The following MUC5AC variants were observed in gnomAD, a reference collection of about 807,000 sequenced individuals.
MUC5AC encodes mucin 5AC, oligomeric mucus/gel-forming, also known as mucin-5AC.
Under a neutral mutation model 169.7 loss-of-function variants are expected in MUC5AC, and 158 were observed. The ratio of observed to expected loss-of-function variants is 0.93; its 90% CI spans 0.82 to 1.06. MUC5AC has a LOEUF of 1.06. Among genes scored for constraint, MUC5AC ranks in the 50% least tolerant of loss-of-function variants. The pLI is 0.00. For missense variants in MUC5AC, 4,359 were observed against 3,089.9 expected (o/e 1.41, Z -9.74); for synonymous variants, 1,975 against 1,237.0 (o/e 1.60, Z -12.52).
At chr11:1,169,140 G>T (rs1860422668) in intron 15 of MUC5AC, 114 bp downstream of exon 15, 2 of 1,415,118 alleles carry the variant, frequency 1.4e-6, no homozygotes, top group Admixed American at 6.3e-5. Context: ...AGCCGGGTGG[G>T]GTGGCTCACG....
chr11:1,164,418 C>A lies in MUC5AC; in HGVS notation c.1015C>A (p.Pro339Thr). 6.2e-7 allele frequency: 1 copy of A among 1,612,350 alleles called. No homozygotes were observed. Among genetic ancestry groups the A allele is most frequent in the Non-Finnish European group, 8.5e-7 (1 of 1,179,740 alleles). The change falls in exon 9 of 49, where the codon CCC becomes ACC. Residue 339 changes from proline to threonine, a missense_variant. By Grantham distance (38) the Pro-to-Thr change is conservative. Coordinates refer to ENST00000621226, the MANE Select transcript of MUC5AC (RefSeq NM_001304359.2). ...TCTGCCTCCCGCAGCCCAGAAGTGC[C>A]CCAACAACATGCAGTACCACGAGTG... ...RGPDFCPQKC[P>T]NNMQYHECRS...
Position 1,185,865 on chromosome 11 carries a change from C to T in MUC5AC, c.7720C>T (p.Pro2574Ser). 1 of 745,446 alleles carries T rather than the reference C, an allele frequency of 1.3e-6. No individual in the cohort carries two copies. The highest frequency in any genetic ancestry group is 2.5e-5 in the East Asian group (1 of 40,102). The allele number at this position is 745,446 out of a possible 1,614,324, so 46.2% of individuals were successfully genotyped here. The change falls in exon 31 of 49, where the codon CCT becomes TCT. Residue 2574 changes from proline (P) to serine (S), a missense_variant. Transcript: ENST00000621226. The part of the protein sequence containing the change: ...TTSGPGTTPS[P>S]VPTTSTTSAP... ...CTCTGGTCCTGGAACTACTCCCAGC[C>T]CTGTTCCTACCACGAGCACAACCTC...
rs1448836634 is a variant in MUC5AC at position 1,189,930 on chromosome 11, T to A, written c.11785T>A (p.Ser3929Thr). The change falls in exon 31 of 49, where the codon TCT becomes ACT. Residue 3929 changes from serine to threonine, a missense_variant. Transcript: ENST00000621226. ...CCCCGTTCCCACCACCAGCACAGCCTCTGTTTCAAAGACCAGCACAAGCCA... is the reference window on the plus strand; with the variant it reads ...CCCCGTTCCCACCACCAGCACAGCCACTGTTTCAAAGACCAGCACAAGCCA... ...PSPVPTTSTASVSKTSTSHVS... is the reference protein window; with the variant it reads ...PSPVPTTSTATVSKTSTSHVS... 1.3e-6 allele frequency: 1 copy of A among 764,988 alleles called. No individual in the cohort carries two copies. Among genetic ancestry groups the A allele is most frequent in the Non-Finnish European group, 2.4e-6 (1 of 417,882 alleles). The allele number at this position is 764,988 out of a possible 1,614,324, so 47.4% of individuals were successfully genotyped here. A position where few individuals can be genotyped will look rare whatever the true frequency, so the allele number is the denominator to read the frequency against.
Position 1,165,755 on chromosome 11 carries a change from A to G in MUC5AC, c.1381A>G (p.Thr461Ala). 2 of 1,611,990 alleles carry G rather than the reference A, an allele frequency of 1.2e-6. No individual in the cohort carries two copies. Among genetic ancestry groups the G allele is most frequent in the Non-Finnish European group, 1.7e-6 (2 of 1,179,652 alleles). The change falls in exon 11 of 49, where the codon ACC becomes GCC. Residue 461 changes from threonine (T) to alanine (A), a missense_variant. Physicochemically the swap from Thr to Ala is moderately conservative, Grantham distance 58. Coordinates refer to ENST00000621226, the MANE Select transcript of MUC5AC (RefSeq NM_001304359.2). ...GCACGGCGACTGCAGCTATGTGCTG[A>G]CCAAGGTACGGCCTGGCTGCCTGGG... is the stretch of plus-strand genomic sequence containing the variant. ...TVHGDCSYVLTKPCDSSAFTV... is the reference protein window; with the variant it reads ...TVHGDCSYVLAKPCDSSAFTV...
In MUC5AC at chr11:1,194,240, C is replaced by T. The variant is rs577132031; in HGVS notation, c.14886C>T (p.Val4962=). The change falls in exon 34 of 49, where the codon GTC becomes GTT. Residue 4962 remains valine, a synonymous_variant. Coordinates refer to ENST00000621226, the MANE Select transcript of MUC5AC (RefSeq NM_001304359.2). ...VPVYGHFRVL[V]DNYFCGAEDG... ...TGTATGGCCACTTCCGCGTGCTCGTCGACAACTACTTCTGCGGTGCGGAGG... is the reference window on the plus strand; with the variant it reads ...TGTATGGCCACTTCCGCGTGCTCGTTGACAACTACTTCTGCGGTGCGGAGG... The T allele has an allele frequency of 2.0e-5, 15 of 764,896 alleles. No individual in the cohort carries two copies. Among genetic ancestry groups the T allele is most frequent in the Admixed American group, 8.5e-5 (5 of 58,992 alleles). The allele number at this position is 764,896 out of a possible 1,614,324, so 47.4% of individuals were successfully genotyped here.
At chr11:1,171,929 AC>A (rs1860558870) in intron 15 of MUC5AC, among the ~76,000 whole-genome samples, 13 of 146,626 alleles carry the variant, frequency 8.9e-5, no homozygotes, top group Non-Finnish European at 1.4e-4. Context: ...TCACTCACTC[AC>A]TCATCCACTC....
At chr11:1,199,286 C>G in intron 45 of MUC5AC, 85 bp from the exon 46 acceptor site, 1 of 693,478 alleles carries the variant, frequency 1.4e-6, no homozygotes, top group Non-Finnish European at 2.6e-6. Flanking sequence ...AGGCTGGGGA[C>G]TCTCTGGAAG....
intron 19 of MUC5AC, among the ~76,000 whole-genome samples, chr11:1,175,646 A>G (rs1564911210): frequency 7.1e-6 from 1 of 141,728 alleles, no homozygotes; most frequent in South Asian, 2.3e-4. Flanking sequence ...TGCAACACTC[A>G]CACACCCACT....
intron 48 of MUC5AC, 118 bp downstream of exon 48, chr11:1,200,087 C>A (rs1861385288): frequency 3.3e-6 from 2 of 614,614 alleles, no homozygotes; most frequent in East Asian, 5.4e-5. Context: ...AGGCAAAGGG[C>A]TCTGAGGGTG....
chr11:1,160,632 T>G lies in MUC5AC; in HGVS notation c.94T>G (p.Ser32Ala). 2 of 1,609,964 alleles carry G rather than the reference T, an allele frequency of 1.2e-6. No homozygotes were observed. Among genetic ancestry groups the G allele is most frequent in the Non-Finnish European group, 8.5e-7 (1 of 1,179,562 alleles). Residue 32 changes from serine (S) to alanine (A), a missense_variant, in exon 2 of 49, where the codon TCC (serine) becomes GCC (alanine). Physicochemically the swap from Ser to Ala is moderately conservative, Grantham distance 99. Coordinates refer to ENST00000621226, the MANE Select transcript of MUC5AC (RefSeq NM_001304359.2). ...TGCAGGCCATGCCCAGGATGGCTCC[T>G]CCGAATCCAGCTACAAGCACCACCC... Reference protein sequence around the residue: ...RHTGHAQDGSSESSYKHHPAL... With the variant: ...RHTGHAQDGSAESSYKHHPAL...
At chr11:1,198,813 G>T (rs1861348180) in intron 43 of MUC5AC, 61 bp from the exon 44 acceptor site, 1 of 680,266 alleles carries the variant, frequency 1.5e-6, no homozygotes, top group Non-Finnish European at 2.7e-6. Context: ...CAGTGGGGAG[G>T]CAGGGGCGGG....
In MUC5AC at chr11:1,194,146, C is replaced by G; in HGVS notation, c.14792C>G (p.Thr4931Ser). ...GGCTGGGGTGACCCCCACTACATCA[C>G]CTTCGACGGCACCTACTACACCTTC... is the stretch of plus-strand genomic sequence containing the variant. ...CSGWGDPHYI[T>S]FDGTYYTFLD... Residue 4931 changes from threonine (T) to serine (S), a missense_variant, in exon 34 of 49, where the codon ACC (threonine) becomes AGC (serine). Coordinates refer to ENST00000621226, the MANE Select transcript of MUC5AC (RefSeq NM_001304359.2). 1.3e-6 allele frequency: 1 copy of G among 765,070 alleles called. No individual in the cohort carries two copies. The highest frequency in any genetic ancestry group is 1.3e-5 in the South Asian group (1 of 74,632). The allele number at this position is 765,070 out of a possible 1,614,324, so 47.4% of individuals were successfully genotyped here.
intron 37 of MUC5AC, 35 bp downstream of exon 37, chr11:1,196,089 G>A (rs781088656): frequency 2.4e-5 from 18 of 747,370 alleles, no homozygotes; most frequent in Middle Eastern, 2.3e-4. Context: ...GTCCCAAGTC[G>A]CTTGTGAGGG....
Position 1,199,988 on chromosome 11 carries a change from G to C in MUC5AC, c.16700+19G>C, listed in dbSNP as rs748365998. On this transcript the variant is annotated intron_variant, in intron 48 of 48. Coordinates refer to ENST00000621226, the MANE Select transcript of MUC5AC (RefSeq NM_001304359.2). ...CTTCCATGTACGTGCCTGGGCAGCA[G>C]GCAGGGAGACGCGATTGGCTGTGGG... 1 of 749,318 alleles carries C rather than the reference G, an allele frequency of 1.3e-6. No homozygotes were observed. Among genetic ancestry groups the C allele is most frequent in the South Asian group, 1.4e-5 (1 of 71,874 alleles). 46.4% of individuals were successfully genotyped at this position (749,318 alleles called of 1,614,324 possible).
rs1860954109 is a variant in MUC5AC at position 1,186,652 on chromosome 11, C to T, written c.8507C>T (p.Ser2836Leu). 7 of 737,672 alleles carry T rather than the reference C, an allele frequency of 9.5e-6. No individual in the cohort carries two copies. The highest frequency in any genetic ancestry group is 1.7e-5 in the Non-Finnish European group (7 of 404,122). The allele number at this position is 737,672 out of a possible 1,614,324, so 45.7% of individuals were successfully genotyped here. Residue 2836 changes from serine (S) to leucine (L), a missense_variant, in exon 31 of 49, where the codon TCA becomes TTA. Coordinates refer to ENST00000621226, the MANE Select transcript of MUC5AC (RefSeq NM_001304359.2). Reference sequence around the variant, plus strand: ...ACAACTTCTGGTCCTGGAACTACTTCAAGCCCTGTTCCCACCACCAGCACA... The same window carrying T: ...ACAACTTCTGGTCCTGGAACTACTTTAAGCCCTGTTCCCACCACCAGCACA... ...TSTTSGPGTT[S>L]SPVPTTSTTS...
chr11:1,167,536 C>T (rs912202312), intron 11 of MUC5AC, among the ~76,000 whole-genome samples: 5 of 152,212 alleles, frequency 3.3e-5, no homozygotes, highest in Non-Finnish European at 7.3e-5. Flanking sequence ...GGAAGTTTCA[C>T]GCAGACAGCT....
At chr11:1,166,593 T>C (rs78703866) in intron 11 of MUC5AC, among the ~76,000 whole-genome samples, 9 of 16,202 alleles carry the variant, frequency 5.6e-4, no homozygotes, top group Admixed American at 1.6e-3. Flanking sequence ...ACACAGTCTC[T>C]GCACGATGAG....
intron 15 of MUC5AC, among the ~76,000 whole-genome samples, chr11:1,169,935 C>T (rs1367696637): frequency 7.8e-5 from 11 of 140,348 alleles, no homozygotes; most frequent in Admixed American, 2.8e-4. Context: ...TTCACTCACT[C>T]GCCCACTCAC....
chr11:1,160,837 A>T, intron 2 of MUC5AC, 148 bp downstream of exon 2: 1 of 767,442 alleles, frequency 1.3e-6, no homozygotes, highest in East Asian at 2.7e-5. Flanking sequence ...GGACACCCCC[A>T]CATCCATGGC....
Sources: allele counts gnomAD v4.1 joint callset (sites outside exome capture counted in the v4.1 genomes callset), GRCh38; gene constraint gnomAD v4.1.1; transcripts MANE v1.5; gene names NCBI Gene and HGNC (gene_info 2026-07-23, HGNC 2026-07-21).